The following CDK14 variants were observed in gnomAD, a reference collection of about 807,000 sequenced individuals.
CDK14 encodes cyclin-dependent kinase 14.
Under a neutral mutation model 60.7 loss-of-function variants are expected in CDK14, and 34 were observed. The observed-to-expected ratio is 0.56, with a 90% CI of 0.43 to 0.75. CDK14 has a LOEUF of 0.75. Ranked by LOEUF, CDK14 falls within the 30% of genes least tolerant of loss-of-function variation. The pLI, the probability that CDK14 is intolerant of heterozygous loss-of-function variation, is 0.00. For missense variants in CDK14, 482 were observed against 564.1 expected (o/e 0.85, Z 1.47); for synonymous variants, 197 against 203.7 (o/e 0.97, Z 0.28).
chr7:90,790,438 T>G lies in CDK14; in HGVS notation c.465-135T>G, dbSNP rs1805783995. On this transcript the variant is annotated intron_variant, in intron 4 of 14. Coordinates refer to ENST00000380050, the MANE Select transcript of CDK14 (RefSeq NM_001287135.2). ...CAGAATTCCCAGCCGAAACCTTGCT[T>G]TGGTGGTATAATTGAATCACTGACA... 6 of 529,958 alleles carry G rather than the reference T, an allele frequency of 1.1e-5. No homozygotes were observed. In the East Asian group the frequency reaches 1.9e-4, roughly 17 times the overall value. The allele number at this position is 529,958 out of a possible 1,614,324, so 32.8% of individuals were successfully genotyped here.
At chr7:90,761,835 T>C (rs902150259) in intron 4 of CDK14, among the ~76,000 whole-genome samples, 8 of 152,224 alleles carry the variant, frequency 5.3e-5, no homozygotes, top group African/African-American at 1.9e-4. Flanking sequence ...TGCATTCCTT[T>C]TGAGGTTGTA....
chr7:91,023,551 A>G (rs973194482), intron 10 of CDK14, among the ~76,000 whole-genome samples: 4 of 152,204 alleles, frequency 2.6e-5, no homozygotes, highest in Non-Finnish European at 5.9e-5. Context: ...CTAAATACTC[A>G]CTAAATGTAA....
At chr7:91,175,235 T>C (rs1801688357) in intron 14 of CDK14, among the ~76,000 whole-genome samples, 1 of 151,992 alleles carries the variant, frequency 6.6e-6, no homozygotes, top group African/African-American at 2.4e-5. Flanking sequence ...AGAAATAAAA[T>C]AGTTTACAGA....
At chr7:90,654,034 G>T (rs1050310585) in intron 2 of CDK14, among the ~76,000 whole-genome samples, 3 of 152,136 alleles carry the variant, frequency 2.0e-5, no homozygotes, top group African/African-American at 4.8e-5. Context: ...TCTATGGTGT[G>T]TATGTGCCAC....
intron 12 of CDK14, among the ~76,000 whole-genome samples, chr7:91,106,985 G>A (rs1799322823): frequency 6.6e-6 from 1 of 152,156 alleles, no homozygotes; most frequent in Admixed American, 6.5e-5. Flanking sequence ...CCATGAGAGG[G>A]GTTAACTAGG....
chr7:91,199,751 A>T (rs542460336), intron 14 of CDK14, among the ~76,000 whole-genome samples: 1 of 152,330 alleles, frequency 6.6e-6, no homozygotes, highest in South Asian at 2.1e-4. Context: ...AAATGTGCAA[A>T]GTTGCTGCAA....
intron 10 of CDK14, among the ~76,000 whole-genome samples, chr7:91,028,738 G>T (rs1186630211): frequency 6.6e-6 from 1 of 152,014 alleles, no homozygotes; most frequent in African/African-American, 2.4e-5. Context: ...TTTGAGAAAT[G>T]TCTATTCATG....
At chr7:90,757,173 A>G (rs1804097771) in intron 4 of CDK14, among the ~76,000 whole-genome samples, 1 of 140,330 alleles carries the variant, frequency 7.1e-6, no homozygotes, top group Admixed American at 7.3e-5. Context: ...CAGGTGCATC[A>G]CCCCTCTTGT....
intron 3 of CDK14, among the ~76,000 whole-genome samples, chr7:90,730,751 T>C (rs1254432839): frequency 6.6e-6 from 1 of 152,236 alleles, no homozygotes; most frequent in Admixed American, 6.5e-5. Flanking sequence ...TTCTGGATAT[T>C]AGCCCTTTGT....
chr7:90,969,360 C>A (rs1000016533), intron 9 of CDK14, among the ~76,000 whole-genome samples: 2 of 152,106 alleles, frequency 1.3e-5, no homozygotes, highest in African/African-American at 2.4e-5. Context: ...CAGAATTCTC[C>A]TTATAGTAGG....
At chr7:91,059,836 A>G (rs1449108821) in intron 11 of CDK14, among the ~76,000 whole-genome samples, 2 of 152,190 alleles carry the variant, frequency 1.3e-5, no homozygotes, top group East Asian at 1.9e-4. Flanking sequence ...TATGTGGTCA[A>G]TTTTGGAATA....
At chr7:90,604,096 G>A in intron 1 of CDK14, 122 bp from the exon 2 acceptor site, 1 of 620,410 alleles carries the variant, frequency 1.6e-6, no homozygotes, top group Non-Finnish European at 2.8e-6. Context: ...ATTCAGGTTG[G>A]GGTACAATTT....
At chr7:91,157,228 C>T (rs1233711793) in intron 14 of CDK14, among the ~76,000 whole-genome samples, 1 of 152,174 alleles carries the variant, frequency 6.6e-6, no homozygotes, top group Non-Finnish European at 1.5e-5. Flanking sequence ...GATTTTGGAA[C>T]ATGAGCACCT....
In CDK14 at chr7:91,209,203, T is replaced by C. The variant is rs1450180457; in HGVS notation, c.*2067T>C. On this transcript the variant is annotated 3_prime_UTR_variant, in exon 15 of 15. Transcript: ENST00000380050. ...AACTTGAAAATTTGAAAATATTTAA[T>C]GTTGAAAGACTTCAATTAGGGCTAT... 6.6e-6 allele frequency: 1 copy of C among 152,230 alleles called. No homozygotes were observed. The highest frequency in any genetic ancestry group is 2.4e-5 in the African/African-American group (1 of 41,458). 9.4% of individuals were successfully genotyped at this position (152,230 alleles called of 1,614,324 possible).
chr7:91,080,024 T>C (rs1798439088), intron 12 of CDK14, among the ~76,000 whole-genome samples: 1 of 152,208 alleles, frequency 6.6e-6, no homozygotes, highest in African/African-American at 2.4e-5. Context: ...AATCTGAAGA[T>C]CTGGATTTTG....
chr7:90,664,206 C>A (rs554605272), intron 2 of CDK14, among the ~76,000 whole-genome samples: 134 of 152,184 alleles, frequency 8.8e-4, no homozygotes, highest in Non-Finnish European at 1.2e-3. Flanking sequence ...CATCACTGAC[C>A]ATCAGAGAAA....
At chr7:91,012,922 T>A (rs1796202272) in intron 10 of CDK14, among the ~76,000 whole-genome samples, 1 of 152,162 alleles carries the variant, frequency 6.6e-6, no homozygotes. Flanking sequence ...AAGTAGGAAA[T>A]GTCAGACAAC....
At chr7:91,168,572 G>A (rs1801420740) in intron 14 of CDK14, among the ~76,000 whole-genome samples, 1 of 152,132 alleles carries the variant, frequency 6.6e-6, no homozygotes, top group East Asian at 1.9e-4. Flanking sequence ...TGGGGAACAT[G>A]AATTTTTCTC....
intron 10 of CDK14, among the ~76,000 whole-genome samples, chr7:91,005,736 GT>G (rs555224217): frequency 2.0e-5 from 3 of 152,154 alleles, no homozygotes; most frequent in South Asian, 4.1e-4. Flanking sequence ...GAATTTTAAG[GT>G]TTACAGTTTC....
Sources: allele counts gnomAD v4.1 joint callset (sites outside exome capture counted in the v4.1 genomes callset), GRCh38; gene constraint gnomAD v4.1.1; transcripts MANE v1.5; gene names NCBI Gene and HGNC (gene_info 2026-07-23, HGNC 2026-07-21).